The following SLC35F5 variants were observed in gnomAD, a reference collection of about 807,000 sequenced individuals.
SLC35F5 encodes HCV NS5A-transactivated protein 3.
SLC35F5 carries 54 observed loss-of-function variants against 68.6 expected under a neutral mutation model. The ratio of observed to expected loss-of-function variants is 0.79; its 90% CI spans 0.63 to 0.99. The LOEUF (loss-of-function observed/expected upper bound fraction) is 0.99, where lower values mean the gene tolerates loss of function less well. Among genes scored for constraint, SLC35F5 ranks in the 50% least tolerant of loss-of-function variants. SLC35F5 has a pLI of 0.00. For missense variants in SLC35F5, 567 were observed against 626.9 expected (o/e 0.90, Z 1.02); for synonymous variants, 211 against 205.2 (o/e 1.03, Z -0.24).
At position 113,725,422 on chromosome 2, in the gene SLC35F5, A is replaced by G; in HGVS notation, c.1206T>C (p.Ile402=). The G allele has an allele frequency of 6.2e-7, 1 of 1,611,688 alleles. No homozygotes were observed. Among genetic ancestry groups the G allele is most frequent in the South Asian group, 1.1e-5 (1 of 90,482 alleles). ...PNKVVLMCII[I]NGLIGTVLSE... ...AGAGTACTGTTCCAATAAGGCCATT[A>G]ATGATAATGCACATTAATACTACTT... The change falls in exon 12 of 16, where the codon ATT becomes ATC. Residue 402 remains isoleucine, a synonymous_variant. Coordinates refer to ENST00000245680, the MANE Select transcript of SLC35F5 (RefSeq NM_025181.5).
intron 4 of SLC35F5, among the ~76,000 whole-genome samples, chr2:113,748,471 T>A (rs960388042): frequency 2.6e-5 from 4 of 152,088 alleles, no homozygotes; most frequent in Non-Finnish European, 4.4e-5. Flanking sequence ...CAGGCCCAAT[T>A]CCATTTTTGT....
intron 13 of SLC35F5, among the ~76,000 whole-genome samples, chr2:113,720,156 C>T (rs928149068): frequency 5.0e-4 from 76 of 151,828 alleles, no homozygotes; most frequent in African/African-American, 1.8e-3. Context: ...TTCACTTTTA[C>T]CATCTAGACT....
rs1687624721 is a variant in SLC35F5, at chr2:113,725,504, C to T, written c.1124G>A (p.Trp375Ter). ...ATAATGAAGTAAAAAGAAACCTGGCCATAAGAGCAGCAGATTAAACAAACC... is the reference window on the plus strand; with the variant it reads ...ATAATGAAGTAAAAAGAAACCTGGCTATAAGAGCAGCAGATTAAACAAACC... ...FVGLFNLLLL[W>*]PGFFLLHYTG... Residue 375 changes from tryptophan (W) to a stop codon, truncating the protein, a stop_gained, in exon 12 of 16, where the codon TGG (tryptophan) becomes TAG (stop). Transcript: ENST00000245680. LOFTEE classifies it high-confidence loss of function. The T allele has an allele frequency of 6.9e-6, 11 of 1,597,518 alleles. No homozygotes were observed. The highest frequency in any genetic ancestry group is 9.4e-6 in the Non-Finnish European group (11 of 1,176,176).
At chr2:113,735,293 CAG>C (rs1688044099) in intron 8 of SLC35F5, among the ~76,000 whole-genome samples, 1 of 152,170 alleles carries the variant, frequency 6.6e-6, no homozygotes, top group Non-Finnish European at 1.5e-5. Flanking sequence ...TGCTTAACAA[CAG>C]GGATAAATAC....
chr2:113,718,221 A>C (rs1481838127), intron 14 of SLC35F5, among the ~76,000 whole-genome samples: 2 of 151,756 alleles, frequency 1.3e-5, no homozygotes, highest in Non-Finnish European at 2.9e-5. Flanking sequence ...GTAGCTTGGG[A>C]CTGCAGGTAT....
intron 4 of SLC35F5, among the ~76,000 whole-genome samples, chr2:113,746,798 G>A (rs1316421737): frequency 1.3e-5 from 2 of 151,960 alleles, no homozygotes; most frequent in Non-Finnish European, 2.9e-5. Flanking sequence ...GTGTTGGCAG[G>A]TGCCTGTCAT....
chr2:113,725,548 A>G lies in SLC35F5; in HGVS notation c.1091-11T>C. 6.4e-7 allele frequency: 1 copy of G among 1,561,774 alleles called. No individual in the cohort carries two copies. The highest frequency in any genetic ancestry group is 2.3e-5 in the East Asian group (1 of 44,020). ...ACAAACCTACAAAACCTGAACATGT[A>G]TAAAAGAGACAAGAGTTAAAATTGA... On this transcript the variant is annotated splice_polypyrimidine_tract_variant and intron_variant, in intron 11 of 15. Transcript: ENST00000245680.
intron 12 of SLC35F5, among the ~76,000 whole-genome samples, chr2:113,724,040 T>C (rs1180217926): frequency 6.6e-6 from 1 of 152,214 alleles, no homozygotes; most frequent in Non-Finnish European, 1.5e-5. Flanking sequence ...TCAGAATTAA[T>C]AGTGCTGTCC....
At chr2:113,755,637 A>G (rs1676949785) in intron 1 of SLC35F5, 93 bp from the exon 2 acceptor site, 1 of 1,285,472 alleles carries the variant, frequency 7.8e-7, no homozygotes, top group East Asian at 2.4e-5. Context: ...TCAAACTCAA[A>G]GCAAATCAAT....
intron 9 of SLC35F5, among the ~76,000 whole-genome samples, chr2:113,734,053 C>T (rs2104443746): frequency 6.6e-6 from 1 of 152,332 alleles, no homozygotes; most frequent in South Asian, 2.1e-4. Flanking sequence ...ACAAAACAAA[C>T]ATACATAAAG....
chr2:113,755,946 T>C, intron 1 of SLC35F5: 4 of 1,550,332 alleles, frequency 2.6e-6, no homozygotes, highest in Non-Finnish European at 3.5e-6. Context: ...GGAGTGGAAT[T>C]TGGTTATCGG....
Position 113,712,390 on chromosome 2 carries a change from C to T in SLC35F5, c.*2828G>A, listed in dbSNP as rs534664670. Among the ~76,000 whole-genome samples, 76 of 152,192 alleles carry T rather than the reference C, an allele frequency of 5.0e-4. No individual in the cohort carries two copies. Among genetic ancestry groups the T allele is most frequent in the Middle Eastern group, 6.8e-3 (2 of 294 alleles). On this transcript the variant is annotated 3_prime_UTR_variant, in exon 16 of 16. Coordinates refer to ENST00000245680, the MANE Select transcript of SLC35F5 (RefSeq NM_025181.5). ...GGAGTGCAGGGGCACGATCTCGGCT[C>T]ACTGCAGGCTCCGCCTCCCGGGTTC... is the stretch of plus-strand genomic sequence containing the variant.
chr2:113,722,296 T>C (rs898194835), intron 13 of SLC35F5, among the ~76,000 whole-genome samples: 2 of 152,168 alleles, frequency 1.3e-5, no homozygotes, highest in Admixed American at 1.3e-4. Flanking sequence ...AAAATAGGTT[T>C]AAAATTTTGA....
intron 10 of SLC35F5, among the ~76,000 whole-genome samples, chr2:113,730,556 A>C (rs1687842076): frequency 6.6e-6 from 1 of 152,200 alleles, no homozygotes; most frequent in African/African-American, 2.4e-5. Flanking sequence ...TGTTCTATTC[A>C]ATAAACCTCA....
intron 13 of SLC35F5, among the ~76,000 whole-genome samples, chr2:113,720,228 T>G (rs1043150653): frequency 6.7e-6 from 1 of 149,946 alleles, no homozygotes; most frequent in Non-Finnish European, 1.5e-5. Flanking sequence ...GAGACTTAAG[T>G]GTAACACACA....
At chr2:113,719,132 T>C (rs1687322944) in intron 14 of SLC35F5, 22 bp downstream of exon 14, 1 of 1,587,326 alleles carries the variant, frequency 6.3e-7, no homozygotes, top group Non-Finnish European at 8.5e-7. Flanking sequence ...TTTTTAAAAA[T>C]GTGTATTGGG....
intron 13 of SLC35F5, among the ~76,000 whole-genome samples, chr2:113,721,072 G>C (rs1291598596): frequency 1.3e-5 from 2 of 151,886 alleles, no homozygotes; most frequent in African/African-American, 4.8e-5. Flanking sequence ...ATTATAAATA[G>C]ATTTAAATAA....
intron 7 of SLC35F5, among the ~76,000 whole-genome samples, chr2:113,740,819 G>GT (rs1676243501): frequency 6.6e-6 from 1 of 152,104 alleles, no homozygotes; most frequent in African/African-American, 2.4e-5. Flanking sequence ...TAGAGATGGG[G>GT]TTTCACCACA....
intron 3 of SLC35F5, among the ~76,000 whole-genome samples, chr2:113,753,181 T>C (rs1419357138): frequency 1.5e-5 from 2 of 132,980 alleles, no homozygotes; most frequent in African/African-American, 2.8e-5. Context: ...TTTTTTTTTT[T>C]TTTTTTTTTT....
Sources: gnomAD v4.1 joint callset for allele counts (sites outside exome capture counted in the v4.1 genomes callset) on GRCh38, gnomAD v4.1.1 for gene constraint, MANE v1.5 for transcripts, NCBI Gene and HGNC (gene_info 2026-07-23, HGNC 2026-07-21) for gene names.